The following NRP2 variants were observed in gnomAD, a reference collection of about 807,000 sequenced individuals.
The protein encoded by NRP2 is neuropilin-2.
A neutral mutation model predicts 110.4 loss-of-function variants in NRP2; 52 were observed. That is an observed-to-expected ratio of 0.47 (90% CI 0.38 to 0.59). NRP2 has a LOEUF of 0.59. Ranked by LOEUF, NRP2 falls within the 20% of genes least tolerant of loss-of-function variation. The pLI is 0.00. For synonymous variants in NRP2, 508 were observed against 468.9 expected (o/e 1.08, Z -1.08); for missense variants, 1,049 against 1,203.0 (o/e 0.87, Z 1.89).
At chr2:205,741,027 A>T (rs2057430613) in intron 8 of NRP2, among the ~76,000 whole-genome samples, 1 of 152,192 alleles carries the variant, frequency 6.6e-6, no homozygotes, top group African/African-American at 2.4e-5. Flanking sequence ...TAAGTGGTAG[A>T]GCCATGGTTT....
chr2:205,719,582 A>G (rs1384924783), intron 3 of NRP2, among the ~76,000 whole-genome samples: 4 of 152,158 alleles, frequency 2.6e-5, no homozygotes, highest in Non-Finnish European at 4.4e-5. Flanking sequence ...TCCTTTAACC[A>G]TAAGTTCAAG....
chr2:205,727,354 G>A (rs2057147011), intron 6 of NRP2, among the ~76,000 whole-genome samples: 1 of 152,244 alleles, frequency 6.6e-6, no homozygotes, highest in South Asian at 2.1e-4. Context: ...CGGTGCATAA[G>A]CCTAATTGCT....
chr2:205,769,401 G>A (rs1271889603), intron 15 of NRP2, among the ~76,000 whole-genome samples: 1 of 151,892 alleles, frequency 6.6e-6, no homozygotes, highest in African/African-American at 2.4e-5. Flanking sequence ...TTTATATTTG[G>A]AAGTATCTTT....
chr2:205,697,399 G>C, intron 1 of NRP2, 145 bp from the exon 2 acceptor site: 1 of 793,660 alleles, frequency 1.3e-6, no homozygotes, highest in Non-Finnish European at 2.2e-6. Context: ...CACCGAATGA[G>C]TAAGTAGGTT....
At chr2:205,750,479 G>A (rs537906833) in intron 11 of NRP2, among the ~76,000 whole-genome samples, 3 of 152,280 alleles carry the variant, frequency 2.0e-5, no homozygotes, top group African/African-American at 2.4e-5. Flanking sequence ...CAGGGGCTCC[G>A]CATTTCTGGA....
At chr2:205,752,034 G>A (rs1223509465) in intron 11 of NRP2, among the ~76,000 whole-genome samples, 1 of 152,146 alleles carries the variant, frequency 6.6e-6, no homozygotes, top group African/African-American at 2.4e-5. Context: ...TCAGGCTCAG[G>A]CAGGTGAACC....
intron 12 of NRP2, among the ~76,000 whole-genome samples, chr2:205,757,607 C>T (rs1254500128): frequency 6.6e-6 from 1 of 152,014 alleles, no homozygotes; most frequent in African/African-American, 2.4e-5. Context: ...CAGGTGGGAC[C>T]GATGGCAGCA....
At chr2:205,697,126 A>T (rs2056446131) in intron 1 of NRP2, among the ~76,000 whole-genome samples, 1 of 152,076 alleles carries the variant, frequency 6.6e-6, no homozygotes, top group South Asian at 2.1e-4. Flanking sequence ...GCTGGGAGAC[A>T]CCGAATAAAA....
At position 205,683,142 on chromosome 2, in the gene NRP2, G is replaced by T; in HGVS notation, c.-149G>T. The T allele has an allele frequency of 1.5e-6, 1 of 649,026 alleles. No individual in the cohort carries two copies. The allele number at this position is 649,026 out of a possible 1,614,324, so 40.2% of individuals were successfully genotyped here. ...AAATTCCAGCAAGAATAGAGGTGAA[G>T]ACAAGCCACCAGGACTCAGGAGGGA... On this transcript the variant is annotated 5_prime_UTR_variant, in exon 1 of 17. Transcript: ENST00000357785.
chr2:205,794,652 C>T (rs530772272), intron 16 of NRP2, 102 bp from the exon 17 acceptor site: 1 of 1,195,984 alleles, frequency 8.4e-7, no homozygotes, highest in East Asian at 2.3e-5. Context: ...GCTGCTGCTG[C>T]TAACTACTGT....
rs551088242 is a variant in NRP2, at chr2:205,742,705, A to G, written c.1292-498A>G. 9.8e-5 allele frequency among the ~76,000 whole-genome samples: 15 copies of G among 152,370 alleles called. No individual in the cohort carries two copies. The South Asian group carries it at 3.1e-3, about 32-fold the overall frequency. On this transcript the variant is annotated intron_variant, in intron 8 of 16. Transcript: ENST00000357785. ...ATTACTAGGAAATAATTCAATGTTTAGCTCAGTTCCCCTGTTCTCAGTGTC... is the reference window on the plus strand; with the variant it reads ...ATTACTAGGAAATAATTCAATGTTTGGCTCAGTTCCCCTGTTCTCAGTGTC...
rs1448831947 is a variant in NRP2, at chr2:205,763,760, C to G, written c.2131C>G (p.Arg711Gly). 8.1e-6 allele frequency: 13 copies of G among 1,614,096 alleles called. No individual in the cohort carries two copies. Among genetic ancestry groups the G allele is most frequent in the Middle Eastern group, 1.6e-4 (1 of 6,084 alleles). ...CATCAGCCCCCCTGTCCACCTGCCC[C>G]GAAGCCCGGTGTGCATGGAGTTCCA... ...RLISPPVHLP[R>G]SPVCMEFQYQ... is the part of the protein sequence containing the mutation. The change falls in exon 13 of 17, where the codon CGA becomes GGA. Residue 711 changes from arginine to glycine, a missense_variant. Transcript: ENST00000357785. The surrounding 1 kb of genome is among the most constrained non-coding windows in gnomAD (Gnocchi z 4.0).
At position 205,778,149 on chromosome 2, in the gene NRP2, T is replaced by A. The variant is rs576836748; in HGVS notation, c.2425+11346T>A. ...CTGCTAAAAATCCACTGGGGAGGTA[T>A]AAAATTCACTCCAAAGAAGTTTGCC... is the stretch of plus-strand genomic sequence containing the variant. On this transcript the variant is annotated intron_variant, in intron 15 of 16. Coordinates refer to ENST00000357785, the MANE Select transcript of NRP2 (RefSeq NM_003872.3). 1.3e-4 allele frequency: 20 copies of A among 152,212 alleles called. No individual in the cohort carries two copies. In the East Asian group the frequency reaches 3.9e-3, roughly 29 times the overall value. 9.4% of individuals were successfully genotyped at this position (152,212 alleles called of 1,614,324 possible). A position where few individuals can be genotyped will look rare whatever the true frequency, so the allele number is the denominator to read the frequency against.
intron 12 of NRP2, among the ~76,000 whole-genome samples, chr2:205,757,921 A>G (rs1422489189): frequency 6.6e-6 from 1 of 150,506 alleles, no homozygotes; most frequent in Non-Finnish European, 1.5e-5. Flanking sequence ...CCTGCAAATC[A>G]TGATTGGTTG....
intron 1 of NRP2, among the ~76,000 whole-genome samples, chr2:205,684,163 G>A (rs1163933705): frequency 6.6e-6 from 1 of 152,200 alleles, no homozygotes; most frequent in Non-Finnish European, 1.5e-5. Context: ...GTGGAGATAA[G>A]CATTTCGAGG....
Position 205,709,003 on chromosome 2 carries a change from A to T in NRP2, c.252-7190A>T, listed in dbSNP as rs530152944. 2.2e-4 allele frequency among the ~76,000 whole-genome samples: 34 copies of T among 152,366 alleles called. 1 individual carries two copies. Among genetic ancestry groups the T allele is most frequent in the African/African-American group, 6.7e-4 (28 of 41,586 alleles). ...CAGCAGTAACAACAAATGGCTATTCATGGAGCATGTACTGTGTGCCATACA... is the reference window on the plus strand; with the variant it reads ...CAGCAGTAACAACAAATGGCTATTCTTGGAGCATGTACTGTGTGCCATACA... On this transcript the variant is annotated intron_variant, in intron 2 of 16. Coordinates refer to ENST00000357785, the MANE Select transcript of NRP2 (RefSeq NM_003872.3).
intron 15 of NRP2, chr2:205,777,236 G>A: frequency 1.1e-5 from 9 of 793,966 alleles, no homozygotes; most frequent in Non-Finnish European, 1.4e-5. Flanking sequence ...ATGCAGTGTG[G>A]CTTCTCCCAT....
At chr2:205,706,828 C>A (rs1000648323) in intron 2 of NRP2, among the ~76,000 whole-genome samples, 1 of 152,134 alleles carries the variant, frequency 6.6e-6, no homozygotes, top group Admixed American at 6.5e-5. Context: ...ACACACGTGG[C>A]TCTTGAAGCT....
intron 2 of NRP2, among the ~76,000 whole-genome samples, chr2:205,711,288 A>G (rs973633113): frequency 6.6e-6 from 1 of 152,250 alleles, no homozygotes; most frequent in African/African-American, 2.4e-5. Flanking sequence ...CCTTGCCTTC[A>G]TGGTGCTTAT....
Sources: gnomAD v4.1 joint callset for allele counts (sites outside exome capture counted in the v4.1 genomes callset) on GRCh38, gnomAD v4.1.1 for gene constraint, Gnocchi (gnomAD v3.1) non-coding constraint, MANE v1.5 for transcripts, NCBI Gene and HGNC (gene_info 2026-07-23, HGNC 2026-07-21) for gene names.